The following XIRP2 variants were observed in gnomAD, a reference collection of about 807,000 sequenced individuals.
The protein encoded by XIRP2 is xin actin binding repeat containing 2.
XIRP2 carries 236 observed loss-of-function variants against 277.0 expected under a neutral mutation model. That is an observed-to-expected ratio of 0.85 (90% CI 0.77 to 0.95). The LOEUF (loss-of-function observed/expected upper bound fraction) is 0.95. Among genes scored for constraint, XIRP2 ranks in the 40% least tolerant of loss-of-function variants. The pLI, the probability that XIRP2 is intolerant of heterozygous loss-of-function variation, is 0.00. For synonymous variants in XIRP2, 1,490 were observed against 1,416.5 expected (o/e 1.05, Z -1.17); for missense variants, 4,640 against 4,157.5 (o/e 1.12, Z -3.19).
intron 5 of XIRP2, among the ~76,000 whole-genome samples, chr2:167,232,790 G>A (rs1694797904): frequency 6.6e-6 from 1 of 151,844 alleles, no homozygotes; most frequent in South Asian, 2.1e-4. Flanking sequence ...AGAGGTCTAA[G>A]TAACTTTTCC....
chr2:167,200,415 G>GA (rs1231187566), intron 3 of XIRP2, among the ~76,000 whole-genome samples: 2 of 152,120 alleles, frequency 1.3e-5, no homozygotes, highest in African/African-American at 2.4e-5. Context: ...CATAGAGCAG[G>GA]AAAAAAACAT....
chr2:167,111,960 G>A (rs1690769208), intron 2 of XIRP2, among the ~76,000 whole-genome samples: 1 of 152,160 alleles, frequency 6.6e-6, no homozygotes, highest in African/African-American at 2.4e-5. Flanking sequence ...GGTGTTCATA[G>A]TAGTAGTCTT....
rs1208143832 is a variant in XIRP2, at chr2:167,257,903, C to T, written c.*86C>T. The T allele has an allele frequency of 1.2e-6, 2 of 1,610,658 alleles. No homozygotes were observed. The highest frequency in any genetic ancestry group is 2.2e-5 in the South Asian group (2 of 90,376). On this transcript the variant is annotated 3_prime_UTR_variant, in exon 11 of 11. Coordinates refer to ENST00000409195, the MANE Select transcript of XIRP2 (RefSeq NM_152381.6). The stretch of plus-strand genomic sequence containing the variant: ...TCATGGACAAATATACTGTAAACCT[C>T]ACTTTAAACAACTTTTCAAATCCAA...
Position 167,251,145 on chromosome 2 carries a change from C to G in XIRP2, c.9753C>G (p.Ser3251=). 6.2e-7 allele frequency: 1 copy of G among 1,613,454 alleles called. No individual in the cohort carries two copies. The highest frequency in any genetic ancestry group is 8.5e-7 in the Non-Finnish European group (1 of 1,179,730). The change falls in exon 9 of 11, where the codon TCC becomes TCG. Residue 3251 remains serine, a synonymous_variant. Transcript: ENST00000409195. ...PVNINHAASG[S]FRESVDAQEE... Reference sequence around the variant, plus strand: ...ATATAAATCATGCTGCTAGTGGTTCCTTCAGAGAATCTGTGGACGCTCAAG... The same window carrying G: ...ATATAAATCATGCTGCTAGTGGTTCGTTCAGAGAATCTGTGGACGCTCAAG...
At chr2:167,208,141 C>T (rs575580605) in intron 3 of XIRP2, among the ~76,000 whole-genome samples, 5 of 152,260 alleles carry the variant, frequency 3.3e-5, no homozygotes, top group African/African-American at 1.2e-4. Context: ...GCCTCAGAGA[C>T]AAAAACTTGC....
At chr2:167,184,341 G>C (rs1248844806) in intron 3 of XIRP2, among the ~76,000 whole-genome samples, 3 of 152,126 alleles carry the variant, frequency 2.0e-5, no homozygotes, top group African/African-American at 7.2e-5. Flanking sequence ...TTGTTAAGTA[G>C]CATGAAAATG....
chr2:167,203,299 C>T (rs1199378927), intron 3 of XIRP2, among the ~76,000 whole-genome samples: 1 of 152,142 alleles, frequency 6.6e-6, no homozygotes, highest in African/African-American at 2.4e-5. Flanking sequence ...TCTGGTGAAC[C>T]AGGAGAATAC....
Position 167,245,637 on chromosome 2 carries a change from T to C in XIRP2, c.4245T>C (p.Gly1415=), listed in dbSNP as rs780892858. 5.0e-6 allele frequency: 8 copies of C among 1,613,464 alleles called. No homozygotes were observed. The African/African-American group carries it at 1.1e-4, about 22-fold the overall frequency. The change falls in exon 9 of 11, where the codon GGT becomes GGC. Residue 1415 remains glycine, a synonymous_variant. Coordinates refer to ENST00000409195, the MANE Select transcript of XIRP2 (RefSeq NM_152381.6). ...TGCCCAGTATTGACCATATACAAGG[T>C]GGCAATGTAAAGACAAGTAGACAAT... ...NIMPSIDHIQ[G]GNVKTSRQFF... is the part of the protein sequence containing the mutation.
intron 3 of XIRP2, among the ~76,000 whole-genome samples, chr2:167,181,029 T>C (rs1692993121): frequency 6.6e-6 from 1 of 152,252 alleles, no homozygotes; most frequent in African/African-American, 2.4e-5. Flanking sequence ...TCCTTTTGTA[T>C]GGTACAAACC....
In XIRP2 at chr2:167,243,378, A is replaced by T; in HGVS notation, c.1986A>T (p.Pro662=). 1 of 1,614,080 alleles carries T rather than the reference A, an allele frequency of 6.2e-7. No homozygotes were observed. Among genetic ancestry groups the T allele is most frequent in the East Asian group, 2.2e-5 (1 of 44,864 alleles). The change falls in exon 9 of 11, where the codon CCA becomes CCT. Residue 662 remains proline (P), a synonymous_variant. Coordinates refer to ENST00000409195, the MANE Select transcript of XIRP2 (RefSeq NM_152381.6). The part of the protein sequence containing the change: ...CTARWMFETR[P]LDSMNKMHQS... ...CTCGGTGGATGTTTGAAACAAGGCC[A>T]TTGGACTCAATGAATAAAATGCATC...
rs754558341 is a variant in XIRP2, at chr2:167,243,085, G to C, written c.1693G>C (p.Glu565Gln). 1.9e-6 allele frequency: 3 copies of C among 1,614,086 alleles called. No individual in the cohort carries two copies. In the South Asian group the frequency reaches 3.3e-5, roughly 18 times the overall value. The part of the protein sequence containing the change: ...KDLNSEREYL[E>Q]WDEILKGEVQ... The stretch of plus-strand genomic sequence containing the variant: ...TCTGAACTCAGAAAGAGAATACTTG[G>C]AATGGGATGAAATTCTGAAGGGAGA... Residue 565 changes from glutamate to glutamine, a missense_variant, in exon 9 of 11, where the codon GAA becomes CAA. Glu to Gln is a conservative substitution (Grantham distance 29). Transcript: ENST00000409195.
intron 3 of XIRP2, among the ~76,000 whole-genome samples, chr2:167,155,283 GAC>G (rs1221696018): frequency 1.3e-5 from 2 of 151,874 alleles, no homozygotes; most frequent in African/African-American, 2.4e-5. Flanking sequence ...GCTGGGCAGA[GAC>G]ACAACCAAAA....
chr2:166,900,936 G>GTCAA (rs1196335523), intron 1 of XIRP2, among the ~76,000 whole-genome samples: 1 of 152,060 alleles, frequency 6.6e-6, no homozygotes. Context: ...ACCATCAAGT[G>GTCAA]GGAACAAAAA....
intron 3 of XIRP2, among the ~76,000 whole-genome samples, chr2:167,168,925 C>T (rs1394064886): frequency 6.6e-6 from 1 of 152,142 alleles, no homozygotes; most frequent in Non-Finnish European, 1.5e-5. Flanking sequence ...TCCATTAGGG[C>T]CCTTAGCATA....
intron 2 of XIRP2, 122 bp downstream of exon 2, chr2:166,904,012 T>C (rs2105337253): frequency 1.7e-6 from 2 of 1,152,458 alleles, no homozygotes; most frequent in Non-Finnish European, 2.4e-6. Flanking sequence ...CTGAAGCCGA[T>C]GTGTAATGCA....
At chr2:167,229,814 C>A (rs1056325313) in intron 5 of XIRP2, among the ~76,000 whole-genome samples, 1 of 152,010 alleles carries the variant, frequency 6.6e-6, no homozygotes, top group East Asian at 1.9e-4. Flanking sequence ...CTGTTGTAGA[C>A]GTATGTTAGG....
chr2:167,133,443 C>T (rs1416184900), intron 2 of XIRP2, among the ~76,000 whole-genome samples: 1 of 152,114 alleles, frequency 6.6e-6, no homozygotes, highest in Non-Finnish European at 1.5e-5. Context: ...GTAGATTGTT[C>T]CTTACTGCCT....
intron 3 of XIRP2, among the ~76,000 whole-genome samples, chr2:167,147,790 C>T (rs1024318213): frequency 2.6e-5 from 4 of 152,124 alleles, no homozygotes; most frequent in Non-Finnish European, 4.4e-5. Context: ...GTGAGAATAA[C>T]GGCTCTTCCG....
intron 2 of XIRP2, among the ~76,000 whole-genome samples, chr2:166,917,092 C>T (rs566004479): frequency 1.3e-5 from 2 of 152,194 alleles, no homozygotes; most frequent in African/African-American, 2.4e-5. Context: ...GTTTTCTCAT[C>T]TATAAAGGAA....
Sources: allele counts gnomAD v4.1 joint callset (sites outside exome capture counted in the v4.1 genomes callset), GRCh38; gene constraint gnomAD v4.1.1; transcripts MANE v1.5; gene names NCBI Gene and HGNC (gene_info 2026-07-23, HGNC 2026-07-21).